Variants in PTPRD observed in about 807,000 individuals in gnomAD.
PTPRD encodes the protein receptor-type tyrosine-protein phosphatase delta.
A neutral mutation model predicts 214.5 loss-of-function variants in PTPRD; 34 were observed. The ratio of observed to expected loss-of-function variants is 0.16; its 90% CI spans 0.12 to 0.21. The LOEUF (loss-of-function observed/expected upper bound fraction) is 0.21, where lower values mean the gene tolerates loss of function less well. Ranked by LOEUF, PTPRD falls within the 10% of genes least tolerant of loss-of-function variation. The pLI is 1.00. For missense variants in PTPRD, 2,545 were observed against 2,398.7 expected (o/e 1.06, Z -1.27); for synonymous variants, 1,128 against 845.7 (o/e 1.33, Z -5.79).
At chr9:9,795,408 C>T (rs2098995604) in intron 5 of PTPRD, among the ~76,000 whole-genome samples, 1 of 151,872 alleles carries the variant, frequency 6.6e-6, no homozygotes, top group Non-Finnish European at 1.5e-5. Context: ...ATATTGAGGG[C>T]CATTGCCACC....
At chr9:9,489,874 G>A (rs556220595) in intron 8 of PTPRD, among the ~76,000 whole-genome samples, 3 of 152,058 alleles carry the variant, frequency 2.0e-5, no homozygotes, top group Admixed American at 6.6e-5. Flanking sequence ...TCCAAATTTG[G>A]TAAAAGACAT....
intron 11 of PTPRD, among the ~76,000 whole-genome samples, chr9:8,895,523 G>A (rs983727324): frequency 4.6e-5 from 7 of 152,088 alleles, no homozygotes; most frequent in African/African-American, 7.2e-5. Context: ...ATTTTTCAGG[G>A]AAGTCCAACA....
intron 10 of PTPRD, among the ~76,000 whole-genome samples, chr9:9,069,377 C>T (rs1328792118): frequency 8.5e-5 from 13 of 152,186 alleles, no homozygotes; most frequent in Admixed American, 8.5e-4. Flanking sequence ...TTCATACATT[C>T]ATGACTTAAA....
chr9:9,929,334 C>T (rs566846962), intron 5 of PTPRD, among the ~76,000 whole-genome samples: 104 of 152,206 alleles, frequency 6.8e-4, no homozygotes, highest in African/African-American at 2.3e-3. Context: ...TCCTCTATAC[C>T]CCTTGCTATC....
chr9:8,683,341 A>G (rs1473190841), intron 12 of PTPRD, among the ~76,000 whole-genome samples: 2 of 151,902 alleles, frequency 1.3e-5, no homozygotes, highest in African/African-American at 4.8e-5. Flanking sequence ...ATGTTAATTC[A>G]TAACTTGGAT....
At position 10,157,734 on chromosome 9, in the gene PTPRD, G is replaced by A. The variant is rs1282085956; in HGVS notation, c.-544-123944C>T. Among the ~76,000 whole-genome samples, 4 of 152,106 alleles carry A rather than the reference G, an allele frequency of 2.6e-5. No homozygotes were observed. In the East Asian group the frequency reaches 7.7e-4, roughly 29 times the overall value. ...ATGATATCCGAAAATATGTTTTCAAGTTGGTTCCATTCCATTATCCTCATC... is the reference window on the plus strand; with the variant it reads ...ATGATATCCGAAAATATGTTTTCAAATTGGTTCCATTCCATTATCCTCATC... On this transcript the variant is annotated intron_variant, in intron 3 of 45. Transcript: ENST00000381196.
rs530380791 is a variant in PTPRD at position 9,924,957 on chromosome 9, A to T, written c.-368+13550T>A. ...AATCATCTCTTGTGTTAGTAATAGA[A>T]TTTGTAAATTTCCACAAATAAAATA... On this transcript the variant is annotated intron_variant, in intron 5 of 45. Coordinates refer to ENST00000381196, the MANE Select transcript of PTPRD (RefSeq NM_002839.4). Among the ~76,000 whole-genome samples, 5 of 152,250 alleles carry T rather than the reference A, an allele frequency of 3.3e-5. 1 individual carries two copies. The South Asian group carries it at 1.0e-3, about 32-fold the overall frequency.
At chr9:8,809,570 G>C (rs2096758928) in intron 11 of PTPRD, among the ~76,000 whole-genome samples, 1 of 152,092 alleles carries the variant, frequency 6.6e-6, no homozygotes, top group Non-Finnish European at 1.5e-5. Flanking sequence ...TAAAGATTTA[G>C]TCCTCAAAGA....
intron 35 of PTPRD, among the ~76,000 whole-genome samples, chr9:8,415,629 C>G (rs1387360898): frequency 6.6e-6 from 1 of 151,702 alleles, no homozygotes; most frequent in East Asian, 1.9e-4. Flanking sequence ...GTAATATAAT[C>G]TAAACAGTAA....
chr9:8,767,826 A>C (rs570427102), intron 11 of PTPRD, among the ~76,000 whole-genome samples: 1 of 152,348 alleles, frequency 6.6e-6, no homozygotes, highest in Non-Finnish European at 1.5e-5. Flanking sequence ...ACTTAAGTTG[A>C]GAACCACTCA....
chr9:8,365,741 A>G (rs1448416442), intron 39 of PTPRD, among the ~76,000 whole-genome samples: 2 of 152,178 alleles, frequency 1.3e-5, no homozygotes, highest in African/African-American at 2.4e-5. Context: ...CAGCAAAAGC[A>G]ATTGTCTCAA....
chr9:8,661,432 T>C (rs2097050103), intron 12 of PTPRD, among the ~76,000 whole-genome samples: 1 of 152,054 alleles, frequency 6.6e-6, no homozygotes, highest in Admixed American at 6.6e-5. Flanking sequence ...GTACTATGCC[T>C]GACATATAGA....
chr9:10,485,448 G>A (rs1419893956), intron 2 of PTPRD, among the ~76,000 whole-genome samples: 2 of 152,024 alleles, frequency 1.3e-5, no homozygotes, highest in African/African-American at 4.8e-5. Context: ...GATTACTATG[G>A]GTTGTATGGA....
At chr9:8,924,353 G>A (rs1461181034) in intron 11 of PTPRD, among the ~76,000 whole-genome samples, 1 of 152,106 alleles carries the variant, frequency 6.6e-6, no homozygotes, top group Non-Finnish European at 1.5e-5. Flanking sequence ...TTGGTACAAG[G>A]AGAGGTAGGA....
chr9:9,616,512 G>A (rs1171467146), intron 7 of PTPRD, among the ~76,000 whole-genome samples: 2 of 151,862 alleles, frequency 1.3e-5, no homozygotes, highest in African/African-American at 4.8e-5. Flanking sequence ...TTTTCTCATA[G>A]ACACGAAATA....
intron 5 of PTPRD, among the ~76,000 whole-genome samples, chr9:9,892,238 T>C (rs1311668288): frequency 6.6e-6 from 1 of 152,040 alleles, no homozygotes; most frequent in Admixed American, 6.6e-5. Flanking sequence ...AGGAAAGGAA[T>C]GGATATTTAA....
At chr9:8,541,177 T>C (rs948021880) in intron 14 of PTPRD, among the ~76,000 whole-genome samples, 1 of 152,192 alleles carries the variant, frequency 6.6e-6, no homozygotes, top group Non-Finnish European at 1.5e-5. Flanking sequence ...TCTATTTATA[T>C]GGCAAAATTC....
At chr9:10,336,141 G>C (rs771790533) in intron 3 of PTPRD, among the ~76,000 whole-genome samples, 2 of 151,730 alleles carry the variant, frequency 1.3e-5, no homozygotes, top group Admixed American at 6.6e-5. Flanking sequence ...ACTTCATACA[G>C]ATGTTTCTAG....
chr9:10,497,373 A>C, intron 2 of PTPRD, among the ~76,000 whole-genome samples: 1 of 151,952 alleles, frequency 6.6e-6, no homozygotes. Context: ...CTAGATTGTA[A>C]GCTCCATAAA....
Sources: allele counts gnomAD v4.1 joint callset (sites outside exome capture counted in the v4.1 genomes callset), GRCh38; gene constraint gnomAD v4.1.1; transcripts MANE v1.5; gene names NCBI Gene and HGNC (gene_info 2026-07-23, HGNC 2026-07-21).